Variants in ADGRL3 observed in about 807,000 individuals in gnomAD.
The protein encoded by ADGRL3 is calcium-independent alpha-latrotoxin receptor 3.
A neutral mutation model predicts 153.5 loss-of-function variants in ADGRL3; 62 were observed. The observed-to-expected ratio is 0.40, with a 90% confidence interval of 0.33 to 0.50. The LOEUF is 0.50. ADGRL3 is among the 20% of genes least tolerant of loss of function. The pLI, the probability that ADGRL3 is intolerant of heterozygous loss-of-function variation, is 0.47. For missense variants in ADGRL3, 1,641 were observed against 1,859.4 expected (o/e 0.88, Z 2.16); for synonymous variants, 710 against 672.5 (o/e 1.06, Z -0.86).
intron 2 of ADGRL3, among the ~76,000 whole-genome samples, chr4:61,475,880 A>G (rs2098041688): frequency 6.6e-6 from 1 of 151,116 alleles, no homozygotes; most frequent in Admixed American, 6.6e-5. Flanking sequence ...GAACAAATAA[A>G]GATAGCCTTT....
chr4:61,815,579 T>C (rs2097678966), intron 9 of ADGRL3, among the ~76,000 whole-genome samples: 1 of 152,240 alleles, frequency 6.6e-6, no homozygotes, highest in African/African-American at 2.4e-5. Context: ...GAAATGCCTC[T>C]GAGGTTTCTA....
At chr4:61,413,623 A>G (rs991166468) in intron 2 of ADGRL3, among the ~76,000 whole-genome samples, 1 of 152,184 alleles carries the variant, frequency 6.6e-6, no homozygotes, top group Non-Finnish European at 1.5e-5. Flanking sequence ...CTGAATTACT[A>G]CATTGCCCCT....
chr4:61,892,744 C>G lies in ADGRL3; in HGVS notation c.1569C>G (p.Thr523=). ...CAACTTTGAGCCCAGGAAGGAGTAC[C>G]ACCCCGTCAGTGTCAGGAAGAAGAA... The part of the protein sequence containing the change: ...RTTTLSPGRS[T]TPSVSGRRNR... Residue 523 remains threonine (T), a synonymous_variant, in exon 10 of 27, where the codon ACC becomes ACG. Transcript: ENST00000683033. The G allele has an allele frequency of 6.2e-7, 1 of 1,613,782 alleles. No individual in the cohort carries two copies. The highest frequency in any genetic ancestry group is 8.5e-7 in the Non-Finnish European group (1 of 1,179,774).
At chr4:61,872,131 A>C (rs987406196) in intron 9 of ADGRL3, among the ~76,000 whole-genome samples, 2 of 152,278 alleles carry the variant, frequency 1.3e-5, no homozygotes, top group Admixed American at 1.3e-4. Flanking sequence ...GTGACAGATA[A>C]CACTTAGGTC....
At chr4:61,553,125 A>G (rs1422855434) in intron 4 of ADGRL3, among the ~76,000 whole-genome samples, 1 of 152,228 alleles carries the variant, frequency 6.6e-6, no homozygotes, top group Non-Finnish European at 1.5e-5. Flanking sequence ...TCGTAGGTAC[A>G]TATTGCACAT....
chr4:61,651,935 G>C (rs1561003923), intron 5 of ADGRL3, among the ~76,000 whole-genome samples: 1 of 151,608 alleles, frequency 6.6e-6, no homozygotes, highest in Non-Finnish European at 1.5e-5. Context: ...AACTTTTAAA[G>C]GTCATTTTAA....
chr4:62,016,975 T>C (rs1042252674), intron 21 of ADGRL3, among the ~76,000 whole-genome samples: 11 of 152,086 alleles, frequency 7.2e-5, no homozygotes, highest in African/African-American at 2.7e-4. Flanking sequence ...TAATTTCCCT[T>C]TAATTTTTTA....
At chr4:61,640,494 A>T (rs1248600480) in intron 5 of ADGRL3, among the ~76,000 whole-genome samples, 2 of 152,058 alleles carry the variant, frequency 1.3e-5, no homozygotes, top group Admixed American at 1.3e-4. Context: ...TTCCCACTAT[A>T]TGATCTTGTA....
chr4:62,036,806 G>A (rs188843059), intron 23 of ADGRL3, among the ~76,000 whole-genome samples: 2 of 151,994 alleles, frequency 1.3e-5, no homozygotes, highest in Admixed American at 1.3e-4. Context: ...ACATATAATT[G>A]ATATAATAAG....
chr4:61,378,669 A>G (rs1449302886), intron 1 of ADGRL3, among the ~76,000 whole-genome samples: 1 of 152,056 alleles, frequency 6.6e-6, no homozygotes, highest in African/African-American at 2.4e-5. Context: ...GGTGGTGTCA[A>G]AAAGTGGTGT....
intron 1 of ADGRL3, among the ~76,000 whole-genome samples, chr4:61,283,290 T>C (rs2093796378): frequency 6.6e-6 from 1 of 152,084 alleles, no homozygotes; most frequent in Non-Finnish European, 1.5e-5. Context: ...ACTTCTGTTT[T>C]AGTTTTATGG....
chr4:61,641,278 G>T (rs9999975), intron 5 of ADGRL3, among the ~76,000 whole-genome samples: 1 of 150,482 alleles, frequency 6.6e-6, no homozygotes, highest in African/African-American at 2.4e-5. Context: ...TTTTTTTTTC[G>T]TTTTATTTAT....
intron 25 of ADGRL3, among the ~76,000 whole-genome samples, chr4:62,060,292 G>T (rs1221334674): frequency 2.0e-5 from 3 of 151,980 alleles, no homozygotes; most frequent in African/African-American, 7.2e-5. Flanking sequence ...GAAGAAGAGT[G>T]GCGTGCAATC....
At chr4:61,318,170 G>GGTGCA (rs2095267964) in intron 1 of ADGRL3, among the ~76,000 whole-genome samples, 1 of 141,756 alleles carries the variant, frequency 7.1e-6, no homozygotes, top group Admixed American at 7.2e-5. Context: ...CTCTAGCCTG[G>GGTGCA]GTGATAGAGT....
At chr4:61,390,014 C>T (rs572404476) in intron 2 of ADGRL3, among the ~76,000 whole-genome samples, 1 of 152,128 alleles carries the variant, frequency 6.6e-6, no homozygotes, top group African/African-American at 2.4e-5. Flanking sequence ...AAATAAAATT[C>T]ATTTTTAACA....
At chr4:61,886,479 CA>C (rs1240406412) in intron 9 of ADGRL3, among the ~76,000 whole-genome samples, 2 of 150,142 alleles carry the variant, frequency 1.3e-5, no homozygotes, top group African/African-American at 4.9e-5. Context: ...GAAGTTAGCA[CA>C]AAAGAAAGAT....
rs1165728410 is a variant in ADGRL3, at chr4:62,075,479, T to C, written c.*4571T>C. On this transcript the variant is annotated 3_prime_UTR_variant, in exon 27 of 27. Transcript: ENST00000683033. ...TAGTTTTGAGCAAATCTGAAGATATTGGCATGAATATCCTTTCTTCTCTAA... is the reference window on the plus strand; with the variant it reads ...TAGTTTTGAGCAAATCTGAAGATATCGGCATGAATATCCTTTCTTCTCTAA... 4.6e-5 allele frequency: 7 copies of C among 152,182 alleles called. No homozygotes were observed. Among genetic ancestry groups the C allele is most frequent in the Non-Finnish European group, 7.4e-5 (5 of 68,026 alleles). 9.4% of individuals were successfully genotyped at this position (152,182 alleles called of 1,614,324 possible).
chr4:61,817,758 G>A (rs2097704567), intron 9 of ADGRL3, among the ~76,000 whole-genome samples: 1 of 152,300 alleles, frequency 6.6e-6, no homozygotes, highest in East Asian at 1.9e-4. Flanking sequence ...CATATCTTAT[G>A]TGGTAGCAGA....
chr4:61,798,167 C>A (rs534791537), intron 8 of ADGRL3, among the ~76,000 whole-genome samples: 23 of 152,134 alleles, frequency 1.5e-4, no homozygotes, highest in African/African-American at 4.6e-4. Flanking sequence ...ACACTATTGT[C>A]TTGTGTTGTA....
Sources: gnomAD v4.1 joint callset for allele counts (sites outside exome capture counted in the v4.1 genomes callset) on GRCh38, gnomAD v4.1.1 for gene constraint, MANE v1.5 for transcripts, NCBI Gene and HGNC (gene_info 2026-07-23, HGNC 2026-07-21) for gene names.